The following TRIO variants were observed in gnomAD, a reference collection of about 807,000 sequenced individuals.
TRIO encodes triple functional domain protein.
A neutral mutation model predicts 351.9 loss-of-function variants in TRIO; 58 were observed. The observed-to-expected ratio is 0.16, with a 90% confidence interval of 0.13 to 0.21. TRIO has a LOEUF of 0.21. Among genes scored for constraint, TRIO ranks in the 10% least tolerant of loss-of-function variants. TRIO has a pLI of 1.00. For synonymous variants in TRIO, 1,758 were observed against 1,595.7 expected (o/e 1.10, Z -2.42); for missense variants, 3,201 against 4,027.8 (o/e 0.79, Z 5.56).
rs1316508804 is a variant in TRIO, at chr5:14,143,494, G to GCCTCCGCC, written c.-227_-220dup. 1.4e-5 allele frequency among the ~76,000 whole-genome samples: 2 copies of GCCTCCGCC among 148,060 alleles called. No homozygotes were observed. Among genetic ancestry groups the GCCTCCGCC allele is most frequent in the Non-Finnish European group, 3.0e-5 (2 of 66,542 alleles). On this transcript the variant is annotated 5_prime_UTR_variant, in exon 1 of 57. Coordinates refer to ENST00000344204, the MANE Select transcript of TRIO (RefSeq NM_007118.4). ...GGCGCCCGGGAGGCCGTGGCTCCGC[G>GCCTCCGCC]CCTCCGCCCCTCGGCCAGCTCGCGG... is the stretch of plus-strand genomic sequence containing the variant.
intron 18 of TRIO, among the ~76,000 whole-genome samples, chr5:14,372,424 C>A (rs1214588736): frequency 6.6e-6 from 1 of 152,098 alleles, no homozygotes; most frequent in East Asian, 1.9e-4. Flanking sequence ...GCAGTTCATC[C>A]CTCTGTACTT....
intron 1 of TRIO, among the ~76,000 whole-genome samples, chr5:14,148,680 G>T (rs772729480): frequency 2.0e-5 from 3 of 152,212 alleles, no homozygotes; most frequent in Non-Finnish European, 2.9e-5. Flanking sequence ...GTGAAGACTT[G>T]GATTTGCGGG....
Position 14,290,853 on chromosome 5 carries a change from T to G in TRIO, c.678T>G (p.Asn226Lys). The change falls in exon 5 of 57, where the codon AAT becomes AAG. Residue 226 changes from asparagine to lysine, a missense_variant. Coordinates refer to ENST00000344204, the MANE Select transcript of TRIO (RefSeq NM_007118.4). ...TTGCTTTTGAAGACTACATTAGCAA[T>G]GCCACCCACATGCTGTCTCGGCTGG... The part of the protein sequence containing the change: ...IRVAFEDYIS[N>K]ATHMLSRLEE... The G allele has an allele frequency of 6.2e-7, 1 of 1,614,166 alleles. No individual in the cohort carries two copies. Among genetic ancestry groups the G allele is most frequent in the Non-Finnish European group, 8.5e-7 (1 of 1,180,028 alleles).
chr5:14,270,640 C>T (rs1255764822), intron 1 of TRIO, among the ~76,000 whole-genome samples, 185 bp from the exon 2 acceptor site: 1 of 152,128 alleles, frequency 6.6e-6, no homozygotes, highest in Non-Finnish European at 1.5e-5. Context: ...AATCATTAAA[C>T]ATTAAAATAG....
chr5:14,172,105 A>G (rs1390984595), intron 1 of TRIO, among the ~76,000 whole-genome samples: 1 of 152,122 alleles, frequency 6.6e-6, no homozygotes, highest in Non-Finnish European at 1.5e-5. Flanking sequence ...TATCTTTTAT[A>G]TTCATTAGGA....
At chr5:14,428,191 G>A (rs1012697337) in intron 34 of TRIO, among the ~76,000 whole-genome samples, 2 of 152,152 alleles carry the variant, frequency 1.3e-5, no homozygotes. Flanking sequence ...CAAAAATGTA[G>A]GGTATTAAGA....
chr5:14,244,161 A>G (rs1794301043), intron 1 of TRIO, among the ~76,000 whole-genome samples: 1 of 152,244 alleles, frequency 6.6e-6, no homozygotes, highest in East Asian at 1.9e-4. Context: ...TAGGTTCATG[A>G]AGGTAGATCT....
chr5:14,253,645 T>A (rs1794869502), intron 1 of TRIO, among the ~76,000 whole-genome samples: 1 of 152,228 alleles, frequency 6.6e-6, no homozygotes, highest in Non-Finnish European at 1.5e-5. Context: ...ACCTGGCCAG[T>A]GCTGGGATTC....
chr5:14,347,485 C>T (rs1394049061), intron 11 of TRIO, among the ~76,000 whole-genome samples: 4 of 152,254 alleles, frequency 2.6e-5, no homozygotes, highest in Non-Finnish European at 5.9e-5. Flanking sequence ...ACTGACTCCA[C>T]GTAACCTATT....
intron 1 of TRIO, among the ~76,000 whole-genome samples, chr5:14,159,102 T>G (rs152782): frequency 0.28 from 42,779 of 152,028 alleles, 6,276 homozygotes; most frequent in East Asian, 0.48. Flanking sequence ...CCTGTGCTGG[T>G]GTCTCCTACT....
chr5:14,490,768 CTA>C, intron 48 of TRIO: 2 of 455,526 alleles, frequency 4.4e-6, no homozygotes, highest in Non-Finnish European at 8.8e-6. Flanking sequence ...GCAAAATACT[CTA>C]ATTATGAGAT....
chr5:14,253,178 G>T (rs1794839506), intron 1 of TRIO, among the ~76,000 whole-genome samples: 6 of 152,152 alleles, frequency 3.9e-5, no homozygotes. Flanking sequence ...CATGCACCAC[G>T]GTCTTCTGGG....
At chr5:14,406,040 G>T (rs746356690) in intron 32 of TRIO, 50 bp downstream of exon 32, 1 of 1,595,408 alleles carries the variant, frequency 6.3e-7, no homozygotes, top group East Asian at 2.3e-5. Flanking sequence ...AGGGAGGGGC[G>T]AGGCGGTGTT....
At chr5:14,183,093 G>A (rs1357782087) in intron 1 of TRIO, among the ~76,000 whole-genome samples, 1 of 152,156 alleles carries the variant, frequency 6.6e-6, no homozygotes, top group East Asian at 1.9e-4. Flanking sequence ...GGGAGGTGGG[G>A]TCTTCGTTAG....
chr5:14,366,773 A>G (rs1233630915), intron 15 of TRIO, 87 bp from the exon 16 acceptor site: 2 of 1,585,944 alleles, frequency 1.3e-6, no homozygotes, highest in East Asian at 2.2e-5. Flanking sequence ...CAACTGGACT[A>G]TCTTGCACGC....
At chr5:14,368,381 A>G (rs1321065340) in intron 16 of TRIO, among the ~76,000 whole-genome samples, 1 of 152,176 alleles carries the variant, frequency 6.6e-6, no homozygotes, top group African/African-American at 2.4e-5. Flanking sequence ...GGAATAATAA[A>G]CTTGGAACAT....
At chr5:14,479,192 C>T (rs577382663) in intron 41 of TRIO, 69 bp from the exon 42 acceptor site, 14 of 1,286,232 alleles carry the variant, frequency 1.1e-5, no homozygotes, top group Admixed American at 5.1e-5. Flanking sequence ...CTGAAATGTG[C>T]GGGTACTCGT....
chr5:14,292,863 G>C lies in TRIO; in HGVS notation c.1054-149G>C, dbSNP rs902687552. ...GTTCAGAACTGCTGACTTGTTCTTC[G>C]AAGTAAAGACTCTTCTGAGAGAATC... On this transcript the variant is annotated intron_variant, in intron 5 of 56. Transcript: ENST00000344204. 3.6e-6 allele frequency: 4 copies of C among 1,112,398 alleles called. No homozygotes were observed. In the East Asian group the frequency reaches 9.8e-5, roughly 27 times the overall value. The allele number at this position is 1,112,398 out of a possible 1,614,324, so 68.9% of individuals were successfully genotyped here. A position where few individuals can be genotyped will look rare whatever the true frequency, so the allele number is the denominator to read the frequency against.
At chr5:14,209,623 A>G (rs1791758120) in intron 1 of TRIO, among the ~76,000 whole-genome samples, 1 of 152,204 alleles carries the variant, frequency 6.6e-6, no homozygotes, top group Admixed American at 6.5e-5. Context: ...GGGTGCTGCC[A>G]CAGACACCCT....
Sources: allele counts gnomAD v4.1 joint callset (sites outside exome capture counted in the v4.1 genomes callset), GRCh38; gene constraint gnomAD v4.1.1; transcripts MANE v1.5; gene names NCBI Gene and HGNC (gene_info 2026-07-23, HGNC 2026-07-21).